The following SRGAP2C variants were observed in gnomAD, a reference collection of about 807,000 sequenced individuals.
The protein encoded by SRGAP2C is SLIT-ROBO Rho GTPase activating protein 2C.
SRGAP2C carries 15 observed loss-of-function variants against 25.1 expected under a neutral mutation model. The observed-to-expected ratio is 0.60, with a 90% CI of 0.40 to 0.92. The LOEUF (loss-of-function observed/expected upper bound fraction) is 0.92, where lower values mean the gene tolerates loss of function less well. Among genes scored for constraint, SRGAP2C ranks in the 40% least tolerant of loss-of-function variants. The probability of loss-of-function intolerance (pLI) is 0.00; values close to 1 mark genes in which losing one functional copy is unlikely to be tolerated. For missense variants in SRGAP2C, 144 were observed against 264.4 expected, an observed-to-expected ratio of 0.54 and a Z score of 3.16; for synonymous variants, 44 against 96.6, an observed-to-expected ratio of 0.46 and a Z score of 3.19.
intron 2 of SRGAP2C, among the ~76,000 whole-genome samples, chr1:121,191,618 G>A (rs1654679106): frequency 6.6e-6 from 1 of 151,068 alleles, no homozygotes; most frequent in Non-Finnish European, 1.5e-5. Flanking sequence ...AGCAGCGAAG[G>A]TGGTAAGGTG....
intron 2 of SRGAP2C, among the ~76,000 whole-genome samples, chr1:121,223,313 CTTTT>C: frequency 7.2e-6 from 1 of 138,184 alleles, no homozygotes; most frequent in African/African-American, 2.8e-5. Context: ...ACCCAAATGA[CTTTT>C]TTATTATTAT....
intron 4 of SRGAP2C, among the ~76,000 whole-genome samples, chr1:121,355,633 C>T (rs1470534010): frequency 1.5e-5 from 2 of 134,718 alleles, no homozygotes; most frequent in Admixed American, 7.6e-5. Flanking sequence ...TTCAAGTGTA[C>T]GTGGAACATT....
chr1:121,354,401 T>TC (rs1659011618), intron 4 of SRGAP2C, among the ~76,000 whole-genome samples: 1 of 61,082 alleles, frequency 1.6e-5, no homozygotes, highest in African/African-American at 7.0e-5. Context: ...TTTTTCTTTT[T>TC]TTTTTTTTTT....
At chr1:121,191,950 G>C (rs1216648636) in intron 2 of SRGAP2C, among the ~76,000 whole-genome samples, 2 of 148,598 alleles carry the variant, frequency 1.3e-5, no homozygotes, top group African/African-American at 5.0e-5. Flanking sequence ...GCACCACAGA[G>C]CTGGAAGCGA....
At position 121,361,760 on chromosome 1, in the gene SRGAP2C, A is replaced by C. The variant is rs587719241; in HGVS notation, c.424-3533A>C. 1.6e-3 allele frequency: 241 copies of C among 151,130 alleles called. 2 individuals are homozygous for C. Among genetic ancestry groups the C allele is most frequent in the East Asian group, 6.8e-3 (35 of 5,148 alleles). The allele number at this position is 151,130 out of a possible 1,614,324, so 9.4% of individuals were successfully genotyped here. ...TAACTGTACCACATCTCTATTCTAA[A>C]TTTAGGCATCTTTTTTTTTTTCCAG... On this transcript the variant is annotated intron_variant, in intron 4 of 9. Transcript: ENST00000367123.
At chr1:121,286,213 C>T (rs1410575725) in intron 3 of SRGAP2C, among the ~76,000 whole-genome samples, 1 of 142,912 alleles carries the variant, frequency 7.0e-6, no homozygotes, top group Non-Finnish European at 1.5e-5. Flanking sequence ...GCAAAACTTT[C>T]AATGTCTCTC....
chr1:121,295,737 G>GTTT (rs1400528023), intron 3 of SRGAP2C, among the ~76,000 whole-genome samples: 95 of 132,112 alleles, frequency 7.2e-4, no homozygotes, highest in African/African-American at 3.0e-3. Flanking sequence ...TTTTGTTTTT[G>GTTT]TTGTTGTTGT....
chr1:121,223,351 T>TTGTGTGTGTGTG (rs56123915), intron 2 of SRGAP2C, among the ~76,000 whole-genome samples: 16 of 64,828 alleles, frequency 2.5e-4, no homozygotes, highest in South Asian at 5.0e-4. Flanking sequence ...TGGGAGGAGT[T>TTGTGTGTGTGTG]TGTGTGTGTG....
intron 7 of SRGAP2C, among the ~76,000 whole-genome samples, chr1:121,377,044 A>G (rs1417994497): frequency 6.6e-6 from 1 of 150,828 alleles, no homozygotes; most frequent in Non-Finnish European, 1.5e-5. Context: ...ATTCTCCATC[A>G]GGTATAACCA....
Position 121,270,878 on chromosome 1 carries a change from CG to C in SRGAP2C, c.68-13924del, listed in dbSNP as rs1324719113. On this transcript the variant is annotated intron_variant, in intron 2 of 9. Coordinates refer to ENST00000367123, the MANE Select transcript of SRGAP2C (RefSeq NM_001329984.2). ...TGCCATCTCAGCTCACTGCAAGCTCCGCCTCCCGGGTTCACGCCATTCTCCT... is the reference window on the plus strand; with the variant it reads ...TGCCATCTCAGCTCACTGCAAGCTCCCCTCCCGGGTTCACGCCATTCTCCT... 5.1e-4 allele frequency among the ~76,000 whole-genome samples: 77 copies of C among 150,674 alleles called. 2 individuals are homozygous for C. The highest frequency in any genetic ancestry group is 2.7e-4 in the Non-Finnish European group (18 of 67,592).
At chr1:121,297,623 G>C (rs1657624331) in intron 3 of SRGAP2C, among the ~76,000 whole-genome samples, 1 of 151,050 alleles carries the variant, frequency 6.6e-6, no homozygotes, top group Non-Finnish European at 1.5e-5. Context: ...ATCAGGAAAA[G>C]TCAATCCTGA....
intron 5 of SRGAP2C, among the ~76,000 whole-genome samples, chr1:121,368,404 CAAAA>C (rs781901337): frequency 3.2e-5 from 4 of 124,892 alleles, no homozygotes; most frequent in Middle Eastern, 4.0e-3. Context: ...GACTCTGTCT[CAAAA>C]AAAAAAAAAA....
At chr1:121,375,757 C>T (rs2101666341) in intron 7 of SRGAP2C, among the ~76,000 whole-genome samples, 1 of 151,972 alleles carries the variant, frequency 6.6e-6, no homozygotes, top group South Asian at 2.1e-4. Flanking sequence ...TCGGTGTTAA[C>T]TCATTTAACT....
In SRGAP2C at chr1:121,198,294, G is replaced by T. The variant is rs1421152293; in HGVS notation, c.67+10781G>T. Among the ~76,000 whole-genome samples the T allele has an allele frequency of 8.4e-3, 1,214 of 144,302 alleles. 5 individuals are homozygous for T. Among genetic ancestry groups the T allele is most frequent in the African/African-American group, 0.01 (388 of 38,598 alleles). The allele number at this position is 144,302 out of a possible 152,430, so 94.7% of individuals were successfully genotyped here. ...CATATTCTCTTTGTTTTTTTTTTTT[G>T]TTTGTTTGTTTGTTTTTCTTAACCA... On this transcript the variant is annotated intron_variant, in intron 2 of 9. Coordinates refer to ENST00000367123, the MANE Select transcript of SRGAP2C (RefSeq NM_001329984.2).
rs114130347 is a variant in SRGAP2C at position 121,372,240 on chromosome 1, G to A, written c.487-1731G>A. ...TTCTTTCGTCTGCCTCTAGCTGATC[G>A]TAGGGCCTAGATTAGTATACCCACA... On this transcript the variant is annotated intron_variant, in intron 5 of 9. Coordinates refer to ENST00000367123, the MANE Select transcript of SRGAP2C (RefSeq NM_001329984.2). Among the ~76,000 whole-genome samples the A allele has an allele frequency of 1.7e-3, 260 of 152,256 alleles. 1 individual carries two copies. Among genetic ancestry groups the A allele is most frequent in the African/African-American group, 5.9e-3 (245 of 41,532 alleles).
At chr1:121,234,921 C>A (rs1403945816) in intron 2 of SRGAP2C, among the ~76,000 whole-genome samples, 1 of 151,684 alleles carries the variant, frequency 6.6e-6, no homozygotes, top group Non-Finnish European at 1.5e-5. Context: ...GACTTCCTAG[C>A]CTCCAGAACT....
intron 3 of SRGAP2C, among the ~76,000 whole-genome samples, chr1:121,303,969 C>T (rs1321174703): frequency 1.0e-4 from 15 of 146,028 alleles, no homozygotes; most frequent in Admixed American, 7.5e-4. Flanking sequence ...CTTTGGGAGG[C>T]CGAGGCGGGC....
At chr1:121,347,914 G>A (rs1570797874) in intron 4 of SRGAP2C, among the ~76,000 whole-genome samples, 2 of 145,404 alleles carry the variant, frequency 1.4e-5, no homozygotes, top group South Asian at 4.6e-4. Context: ...ATGCAGGAAG[G>A]CCTGTTGTTG....
intron 2 of SRGAP2C, among the ~76,000 whole-genome samples, chr1:121,268,233 C>G (rs1656850042): frequency 6.6e-6 from 1 of 151,112 alleles, no homozygotes; most frequent in African/African-American, 2.4e-5. Flanking sequence ...CTGCTGTGAG[C>G]AGAGAGCTCA....
Sources: allele counts gnomAD v4.1 joint callset (sites outside exome capture counted in the v4.1 genomes callset), GRCh38; gene constraint gnomAD v4.1.1; transcripts MANE v1.5; gene names NCBI Gene and HGNC (gene_info 2026-07-23, HGNC 2026-07-21).